SLC22A3: variants seen among roughly 807,000 people sequenced by gnomAD.
SLC22A3 encodes EMT organic cation transporter 3.
A neutral mutation model predicts 59.1 loss-of-function variants in SLC22A3; 51 were observed. The ratio of observed to expected loss-of-function variants is 0.86; its 90% CI spans 0.69 to 1.09. The LOEUF (loss-of-function observed/expected upper bound fraction) is 1.09, where lower values mean the gene tolerates loss of function less well. Among genes scored for constraint, SLC22A3 ranks in the 50% least tolerant of loss-of-function variants. The pLI is 0.00. For missense variants in SLC22A3, 711 were observed against 726.3 expected (o/e 0.98, Z 0.24); for synonymous variants, 325 against 292.0 (o/e 1.11, Z -1.15).
intron 1 of SLC22A3, among the ~76,000 whole-genome samples, chr6:160,369,378 C>T (rs956788608): frequency 2.6e-5 from 4 of 152,200 alleles, no homozygotes; most frequent in Admixed American, 1.3e-4. Flanking sequence ...TCATGGGAAA[C>T]AATATCGGAA....
Position 160,451,169 on chromosome 6 carries a change from T to C in SLC22A3, c.*113T>C. The C allele has an allele frequency of 4.4e-6, 4 of 901,274 alleles. No individual in the cohort carries two copies. The highest frequency in any genetic ancestry group is 1.4e-5 in the South Asian group (1 of 70,244). 55.8% of individuals were successfully genotyped at this position (901,274 alleles called of 1,614,324 possible). A position where few individuals can be genotyped will look rare whatever the true frequency, so the allele number is the denominator to read the frequency against. On this transcript the variant is annotated 3_prime_UTR_variant, in exon 11 of 11. Transcript: ENST00000275300. ...TCAGCTACATCATGCCGCGCTGTTG[T>C]AATACTGTATAAAGACCTCAATCTA...
At chr6:160,443,858 T>C in intron 9 of SLC22A3, 116 bp downstream of exon 9, 1 of 479,126 alleles carries the variant, frequency 2.1e-6, no homozygotes. Flanking sequence ...CTTATTATAA[T>C]AACTATTTCA....
chr6:160,371,384 C>T (rs557486078), intron 1 of SLC22A3, among the ~76,000 whole-genome samples: 1 of 152,120 alleles, frequency 6.6e-6, no homozygotes, highest in Non-Finnish European at 1.5e-5. Flanking sequence ...TCCCTATGTC[C>T]ATGTGTTCTC....
chr6:160,451,024 A>G lies in SLC22A3; in HGVS notation c.1639A>G (p.Lys547Glu), dbSNP rs1335958345. The change falls in exon 11 of 11, where the codon AAG (lysine) becomes GAG (glutamate). Residue 547 changes from lysine (K) to glutamate (E), a missense_variant. Transcript: ENST00000275300. ...SPHSCKCGRN[K>E]KTPVSRSHL ...ACATTCCTGTAAATGTGGCAGGAAT[A>G]AGAAAACCCCAGTTTCCCGCTCTCA... is the stretch of plus-strand genomic sequence containing the variant. 6.3e-7 allele frequency: 1 copy of G among 1,596,214 alleles called. No individual in the cohort carries two copies. The highest frequency in any genetic ancestry group is 1.1e-5 in the South Asian group (1 of 88,178).
intron 1 of SLC22A3, among the ~76,000 whole-genome samples, chr6:160,389,149 T>C (rs1275137139): frequency 2.0e-5 from 3 of 152,186 alleles, no homozygotes; most frequent in Non-Finnish European, 4.4e-5. Flanking sequence ...GACATGATGA[T>C]GAAATATCTC....
intron 5 of SLC22A3, among the ~76,000 whole-genome samples, chr6:160,427,320 G>A (rs1788000278): frequency 1.3e-5 from 2 of 152,298 alleles, no homozygotes; most frequent in African/African-American, 4.8e-5. Context: ...GAATGTAGTC[G>A]GGACTTGCCC....
intron 5 of SLC22A3, among the ~76,000 whole-genome samples, chr6:160,412,991 A>G (rs1397487651): frequency 6.6e-6 from 1 of 152,196 alleles, no homozygotes; most frequent in East Asian, 1.9e-4. Flanking sequence ...CTAGAAAAAT[A>G]GGCATCTAGA....
At chr6:160,414,434 C>A (rs1366391941) in intron 5 of SLC22A3, among the ~76,000 whole-genome samples, 1 of 152,106 alleles carries the variant, frequency 6.6e-6, no homozygotes, top group Admixed American at 6.5e-5. Flanking sequence ...TACATCCTCC[C>A]AAAGTGATTA....
At chr6:160,449,545 TGCTA>T (rs1261986203) in intron 10 of SLC22A3, among the ~76,000 whole-genome samples, 1 of 152,234 alleles carries the variant, frequency 6.6e-6, no homozygotes, top group African/African-American at 2.4e-5. Context: ...TACTAAAACT[TGCTA>T]GCATTTCCCT....
At chr6:160,392,417 G>C (rs548017747) in intron 1 of SLC22A3, among the ~76,000 whole-genome samples, 1 of 152,304 alleles carries the variant, frequency 6.6e-6, no homozygotes, top group South Asian at 2.1e-4. Flanking sequence ...TTAGATCTCA[G>C]CTGCTCTACA....
intron 5 of SLC22A3, among the ~76,000 whole-genome samples, chr6:160,422,694 G>A (rs746569569): frequency 6.6e-6 from 1 of 152,196 alleles, no homozygotes; most frequent in Non-Finnish European, 1.5e-5. Context: ...TCTGAATAAA[G>A]GAGGTGTTAA....
rs2059869663 is a variant in SLC22A3 at position 160,415,928 on chromosome 6, G to C, written c.975+5082G>C. On this transcript the variant is annotated intron_variant, in intron 5 of 10. Transcript: ENST00000275300. This position sits in a 1 kb window ranked among gnomAD's most constrained non-coding sequence, Gnocchi z 4.1. ...ATAAGCTAAATTAACTACAAACTAAGATTACACCAATCTCCAGAGCTTTAG... is the reference window on the plus strand; with the variant it reads ...ATAAGCTAAATTAACTACAAACTAACATTACACCAATCTCCAGAGCTTTAG... 6.6e-6 allele frequency among the ~76,000 whole-genome samples: 1 copy of C among 152,186 alleles called. No individual in the cohort carries two copies. Among genetic ancestry groups the C allele is most frequent in the Non-Finnish European group, 1.5e-5 (1 of 68,034 alleles).
intron 1 of SLC22A3, among the ~76,000 whole-genome samples, chr6:160,392,486 C>T (rs929915797): frequency 1.2e-4 from 18 of 152,348 alleles, no homozygotes; most frequent in South Asian, 6.2e-4. Context: ...CTCCCAGGGA[C>T]AGAAACAAGG....
chr6:160,409,884 C>A (rs779941915), intron 4 of SLC22A3, among the ~76,000 whole-genome samples: 7 of 151,974 alleles, frequency 4.6e-5, no homozygotes, highest in Non-Finnish European at 1.0e-4. Flanking sequence ...AAATTAAATG[C>A]AATGAAGTCT....
In SLC22A3 at chr6:160,415,784, T is replaced by G. The variant is rs551036262; in HGVS notation, c.975+4938T>G. Among the ~76,000 whole-genome samples the G allele has an allele frequency of 5.9e-5, 9 of 152,256 alleles. No homozygotes were observed. In the South Asian group the frequency reaches 1.9e-3, roughly 32 times the overall value. ...ACCCAACAAGTCAGCATTTTTCTCT[T>G]GTGAAAAGAACCACCTGCCAACCCC... On this transcript the variant is annotated intron_variant, in intron 5 of 10. Transcript: ENST00000275300. This position sits in a 1 kb window ranked among gnomAD's most constrained non-coding sequence, Gnocchi z 4.1.
intron 2 of SLC22A3, among the ~76,000 whole-genome samples, chr6:160,405,700 C>T (rs1786986261): frequency 6.6e-6 from 1 of 152,044 alleles, no homozygotes; most frequent in South Asian, 2.1e-4. Context: ...GGTGAATGGA[C>T]AAACTGTGAT....
chr6:160,411,086 G>GAAATGATTA (rs1787231385), intron 5 of SLC22A3, among the ~76,000 whole-genome samples: 1 of 151,830 alleles, frequency 6.6e-6, no homozygotes. Context: ...TATTAAAGAA[G>GAAATGATTA]AAATGATTAT....
intron 7 of SLC22A3, among the ~76,000 whole-genome samples, chr6:160,441,432 C>T (rs901354237): frequency 3.3e-5 from 5 of 152,138 alleles, no homozygotes; most frequent in East Asian, 1.9e-4. Flanking sequence ...TAACCGTTAA[C>T]GTGACAGCTA....
rs185463021 is a variant in SLC22A3, at chr6:160,451,479, G to A, written c.*423G>A. ...ATGTGTTCATCAAATCTGGTCAAGGGACTAAGCTCCTAGCTGACCATTCAT... is the reference window on the plus strand; with the variant it reads ...ATGTGTTCATCAAATCTGGTCAAGGAACTAAGCTCCTAGCTGACCATTCAT... On this transcript the variant is annotated 3_prime_UTR_variant, in exon 11 of 11. Coordinates refer to ENST00000275300, the MANE Select transcript of SLC22A3 (RefSeq NM_021977.4). 1 of 185,636 alleles carries A rather than the reference G, an allele frequency of 5.4e-6. No homozygotes were observed. Among genetic ancestry groups the A allele is most frequent in the African/African-American group, 2.3e-5 (1 of 42,568 alleles). The allele number at this position is 185,636 out of a possible 1,614,324, so 11.5% of individuals were successfully genotyped here.
Sources: allele counts gnomAD v4.1 joint callset (sites outside exome capture counted in the v4.1 genomes callset), GRCh38; gene constraint gnomAD v4.1.1; non-coding constraint Gnocchi (gnomAD v3.1); transcripts MANE v1.5; gene names NCBI Gene and HGNC (gene_info 2026-07-23, HGNC 2026-07-21).